FMN1: variants seen among roughly 807,000 people sequenced by gnomAD.
FMN1 encodes formin-1.
Under a neutral mutation model 132.4 loss-of-function variants are expected in FMN1, and 110 were observed. The observed-to-expected ratio is 0.83, with a 90% CI of 0.71 to 0.97. FMN1 has a LOEUF of 0.97. FMN1 is among the 50% of genes least tolerant of loss of function. The pLI, the probability that FMN1 is intolerant of heterozygous loss-of-function variation, is 0.00. For missense variants in FMN1, 1,792 were observed against 1,705.3 expected (o/e 1.05, Z -0.90); for synonymous variants, 722 against 651.7 (o/e 1.11, Z -1.64).
chr15:32,779,637 G>A (rs1288246275), intron 19 of FMN1, among the ~76,000 whole-genome samples: 1 of 152,158 alleles, frequency 6.6e-6, no homozygotes, highest in African/African-American at 2.4e-5. Flanking sequence ...ACAACCTAAT[G>A]AATAGGTTCA....
chr15:33,023,123 C>T (rs528536124), intron 6 of FMN1, among the ~76,000 whole-genome samples: 1 of 148,774 alleles, frequency 6.7e-6, no homozygotes, highest in Admixed American at 6.7e-5. Flanking sequence ...TGTCACCAGC[C>T]GACTAAATCT....
At position 32,860,473 on chromosome 15, in the gene FMN1, T is replaced by C. The variant is rs566612617; in HGVS notation, c.3836-3366A>G. 3.9e-5 allele frequency among the ~76,000 whole-genome samples: 6 copies of C among 152,210 alleles called. No homozygotes were observed. The South Asian group carries it at 1.2e-3, about 32-fold the overall frequency. ...TTTGAGACAAGCTTGGCCAAAGTGGTGAAACCCTGTTTCTACAAAAAATAC... is the reference window on the plus strand; with the variant it reads ...TTTGAGACAAGCTTGGCCAAAGTGGCGAAACCCTGTTTCTACAAAAAATAC... On this transcript the variant is annotated intron_variant, in intron 16 of 20. Transcript: ENST00000616417.
intron 6 of FMN1, among the ~76,000 whole-genome samples, chr15:33,018,425 G>A (rs1051285535): frequency 1.3e-5 from 2 of 152,112 alleles, no homozygotes; most frequent in Non-Finnish European, 2.9e-5. Flanking sequence ...GGAGCTGAAG[G>A]TTGAGTCGCT....
At chr15:33,107,511 C>CA (rs141379012) in intron 4 of FMN1, among the ~76,000 whole-genome samples, 2,358 of 152,210 alleles carry the variant, frequency 0.015, 64 homozygotes, top group African/African-American at 0.054. Context: ...TCCCTTACTT[C>CA]ATTCCAGCCA....
At chr15:32,814,937 T>TTTATTA (rs141495665) in intron 17 of FMN1, among the ~76,000 whole-genome samples, 5 of 150,918 alleles carry the variant, frequency 3.3e-5, no homozygotes, top group African/African-American at 9.8e-5. Flanking sequence ...TTTATTTTAT[T>TTTATTA]TTATTATTAT....
At chr15:32,911,017 A>C (rs2060548988) in intron 10 of FMN1, among the ~76,000 whole-genome samples, 1 of 152,276 alleles carries the variant, frequency 6.6e-6, no homozygotes, top group Admixed American at 6.5e-5. Flanking sequence ...CACTGCCAAC[A>C]TCTTGTTTGG....
Position 32,849,327 on chromosome 15 carries a change from G to A in FMN1, c.3928+7688C>T, listed in dbSNP as rs1369011945. On this transcript the variant is annotated intron_variant, in intron 17 of 20. Transcript: ENST00000616417. ...AATTCTTATTTGTTCTCACTGTTAG[G>A]TAGTATTCATTTTTTGCTTCATTTT... Among the ~76,000 whole-genome samples the A allele has an allele frequency of 2.6e-5, 4 of 151,520 alleles. No individual in the cohort carries two copies. In the East Asian group the frequency reaches 7.8e-4, roughly 29 times the overall value.
Position 33,032,392 on chromosome 15 carries a change from A to C in FMN1, c.2162-24317T>G, listed in dbSNP as rs191319513. Among the ~76,000 whole-genome samples, 19 of 152,346 alleles carry C rather than the reference A, an allele frequency of 1.2e-4. No homozygotes were observed. In the East Asian group the frequency reaches 2.1e-3, roughly 17 times the overall value. ...TAGCTTAAAGGTTCAAAAACATTGA[A>C]TTTCTTAAATATTATCCATTAATCT... is the stretch of plus-strand genomic sequence containing the variant. On this transcript the variant is annotated intron_variant, in intron 6 of 20. Coordinates refer to ENST00000616417, the MANE Select transcript of FMN1 (RefSeq NM_001277313.2).
At chr15:32,781,386 C>T (rs1382248033) in intron 19 of FMN1, among the ~76,000 whole-genome samples, 1 of 152,204 alleles carries the variant, frequency 6.6e-6, no homozygotes, top group African/African-American at 2.4e-5. Flanking sequence ...AATCCCATCT[C>T]CCTGCCCACA....
At chr15:32,841,778 T>C (rs2058750591) in intron 17 of FMN1, among the ~76,000 whole-genome samples, 1 of 152,216 alleles carries the variant, frequency 6.6e-6, no homozygotes, top group East Asian at 1.9e-4. Context: ...CCATCCATCC[T>C]GAAGGAGTTA....
intron 13 of FMN1, among the ~76,000 whole-genome samples, chr15:32,901,453 A>G (rs991634602): frequency 3.9e-5 from 6 of 152,174 alleles, no homozygotes; most frequent in Admixed American, 3.9e-4. Flanking sequence ...AAGCCAACAA[A>G]TATTTCTTTG....
chr15:33,095,474 T>C (rs989015155), intron 4 of FMN1, among the ~76,000 whole-genome samples: 1 of 152,202 alleles, frequency 6.6e-6, no homozygotes, highest in Non-Finnish European at 1.5e-5. Flanking sequence ...CAACTCACTG[T>C]AGCCTTGGCC....
In FMN1 at chr15:33,096,637, T is replaced by A. The variant is rs145787376; in HGVS notation, c.1868-7663A>T. 3.0e-3 allele frequency among the ~76,000 whole-genome samples: 463 copies of A among 151,950 alleles called. 3 individuals carry two copies. Among genetic ancestry groups the A allele is most frequent in the African/African-American group, 0.011 (446 of 41,458 alleles). The stretch of plus-strand genomic sequence containing the variant: ...TTTTCTTAGACAGGGTCTCACTATA[T>A]CATCTAGGCTGGAGTGCTGTGGTGC... On this transcript the variant is annotated intron_variant, in intron 4 of 20. Coordinates refer to ENST00000616417, the MANE Select transcript of FMN1 (RefSeq NM_001277313.2).
chr15:33,040,720 A>C (rs2036394579), intron 6 of FMN1, among the ~76,000 whole-genome samples: 1 of 152,234 alleles, frequency 6.6e-6, no homozygotes, highest in Admixed American at 6.5e-5. Context: ...CCCAGGAGTC[A>C]TCCTAGCCAT....
chr15:32,841,081 A>G (rs1052455940), intron 17 of FMN1, among the ~76,000 whole-genome samples: 3 of 152,200 alleles, frequency 2.0e-5, no homozygotes, highest in African/African-American at 7.2e-5. Flanking sequence ...ATTACTTTAG[A>G]TATTTTTGCT....
intron 5 of FMN1, among the ~76,000 whole-genome samples, chr15:33,088,425 C>T (rs2038783908): frequency 6.6e-6 from 1 of 152,100 alleles, no homozygotes; most frequent in Non-Finnish European, 1.5e-5. Context: ...CTTGAGAATC[C>T]AGAGCATATC....
intron 17 of FMN1, among the ~76,000 whole-genome samples, chr15:32,837,500 G>C (rs948518443): frequency 2.0e-5 from 3 of 152,174 alleles, no homozygotes; most frequent in African/African-American, 7.2e-5. Flanking sequence ...AGCAACCCCA[G>C]TGATAAGGCA....
chr15:33,029,836 G>A lies in FMN1; in HGVS notation c.2162-21761C>T, dbSNP rs1433043590. The stretch of plus-strand genomic sequence containing the variant: ...GGAAAAAGCCAGAATGATAGAAGTT[G>A]GTAGGTAGAAACAGGAATGTTATAA... On this transcript the variant is annotated intron_variant, in intron 6 of 20. Transcript: ENST00000616417. Among the ~76,000 whole-genome samples the A allele has an allele frequency of 2.0e-5, 3 of 152,142 alleles. No individual in the cohort carries two copies. The East Asian group carries it at 5.8e-4, about 29-fold the overall frequency.
chr15:33,183,838 T>A (rs1246871421), intron 2 of FMN1, among the ~76,000 whole-genome samples: 1 of 151,794 alleles, frequency 6.6e-6, no homozygotes, highest in Non-Finnish European at 1.5e-5. Context: ...GGAGAAAGGG[T>A]GGGGAGGATG....
Sources: allele counts gnomAD v4.1 joint callset (sites outside exome capture counted in the v4.1 genomes callset), GRCh38; gene constraint gnomAD v4.1.1; transcripts MANE v1.5; gene names NCBI Gene and HGNC (gene_info 2026-07-23, HGNC 2026-07-21).